The following PKHD1L1 variants were observed in gnomAD, a reference collection of about 807,000 sequenced individuals.
PKHD1L1 encodes the protein PKHD1 like 1.
PKHD1L1 carries 434 observed loss-of-function variants against 462.9 expected under a neutral mutation model. The ratio of observed to expected loss-of-function variants is 0.94; its 90% CI spans 0.87 to 1.02. The LOEUF (loss-of-function observed/expected upper bound fraction) is 1.02, where lower values mean the gene tolerates loss of function less well. Ranked by LOEUF, PKHD1L1 falls within the 50% of genes least tolerant of loss-of-function variation. The pLI is 0.00. For synonymous variants in PKHD1L1, 1,781 were observed against 1,750.0 expected (o/e 1.02, Z -0.44); for missense variants, 5,202 against 5,096.1 (o/e 1.02, Z -0.63).
At chr8:109,443,953 A>C in intron 37 of PKHD1L1, 51 bp downstream of exon 37, 1 of 1,442,124 alleles carries the variant, frequency 6.9e-7, no homozygotes, top group Non-Finnish European at 9.5e-7. Context: ...TCCCAATAAA[A>C]GTATTTTGAC....
chr8:109,448,372 A>G lies in PKHD1L1; in HGVS notation c.6006A>G (p.Gln2002=). Residue 2002 remains glutamine (Q), a synonymous_variant, in exon 39 of 78, where the codon CAA becomes CAG. Coordinates refer to ENST00000378402, the MANE Select transcript of PKHD1L1 (RefSeq NM_177531.6). ...TVVFEYPLNI[Q]NINPSQGSFG... ...TATTTGAGTACCCGCTTAATATTCA[A>G]AATATTAATCCAAGCCAAGGTAGTC... 4 of 1,612,646 alleles carry G rather than the reference A, an allele frequency of 2.5e-6. No individual in the cohort carries two copies. The highest frequency in any genetic ancestry group is 2.5e-6 in the Non-Finnish European group (3 of 1,179,108).
Position 109,373,539 on chromosome 8 carries a change from T to G in PKHD1L1, c.164-7831T>G, listed in dbSNP as rs544130167. Among the ~76,000 whole-genome samples, 94 of 152,322 alleles carry G rather than the reference T, an allele frequency of 6.2e-4. 1 individual carries two copies. Among genetic ancestry groups the G allele is most frequent in the African/African-American group, 2.3e-3 (94 of 41,576 alleles). On this transcript the variant is annotated intron_variant, in intron 2 of 77. Coordinates refer to ENST00000378402, the MANE Select transcript of PKHD1L1 (RefSeq NM_177531.6). ...CTCTGATCTTAGTTATTTCTTGCCT[T>G]CTGCTAGCTTTTGAATGTGTTTGCT...
In PKHD1L1 at chr8:109,534,886, C is replaced by T. The variant is rs1269620894; in HGVS notation, c.*4796C>T. 6.8e-6 allele frequency among the ~76,000 whole-genome samples: 1 copy of T among 146,046 alleles called. No homozygotes were observed. Among genetic ancestry groups the T allele is most frequent in the Non-Finnish European group, 1.5e-5 (1 of 66,588 alleles). ...AACTGTTCTAAGAACGCCATTCACC[C>T]ATGAATGTGACTTTATTAGAGGTTT... is the stretch of plus-strand genomic sequence containing the variant. On this transcript the variant is annotated 3_prime_UTR_variant, in exon 78 of 78. Coordinates refer to ENST00000378402, the MANE Select transcript of PKHD1L1 (RefSeq NM_177531.6).
In PKHD1L1 at chr8:109,459,781, T is replaced by A. The variant is rs1403132885; in HGVS notation, c.7191T>A (p.Ser2397=). 6.2e-7 allele frequency: 1 copy of A among 1,611,494 alleles called. No individual in the cohort carries two copies. The highest frequency in any genetic ancestry group is 8.5e-7 in the Non-Finnish European group (1 of 1,178,550). The change falls in exon 47 of 78, where the codon TCT becomes TCA. Residue 2397 remains serine, a synonymous_variant. Transcript: ENST00000378402. ...CAAGAAATATTTTAATAAGAGGATC[T>A]GATAATGTTGAGTGGAATAACAAAA... ...ILTRNILIRG[S]DNVEWNNKIP...
At chr8:109,390,830 G>A (rs992817734) in intron 9 of PKHD1L1, among the ~76,000 whole-genome samples, 2 of 151,778 alleles carry the variant, frequency 1.3e-5, no homozygotes, top group Non-Finnish European at 2.9e-5. Flanking sequence ...ACTAATGGAA[G>A]AATAAAAAAA....
intron 65 of PKHD1L1, among the ~76,000 whole-genome samples, 192 bp downstream of exon 65, chr8:109,497,464 G>A (rs1306090544): frequency 3.1e-5 from 4 of 129,540 alleles, no homozygotes; most frequent in African/African-American, 1.2e-4. Context: ...ATGGAGTCTC[G>A]CTCCGTAGCC....
At chr8:109,429,168 C>T (rs1344005145) in intron 25 of PKHD1L1, among the ~76,000 whole-genome samples, 172 bp from the exon 26 acceptor site, 9 of 151,858 alleles carry the variant, frequency 5.9e-5, no homozygotes, top group Non-Finnish European at 1.3e-4. Context: ...AGGTTATGTT[C>T]ATTTTTGAAG....
chr8:109,419,659 C>G (rs1814365372), intron 22 of PKHD1L1, among the ~76,000 whole-genome samples: 1 of 152,116 alleles, frequency 6.6e-6, no homozygotes, highest in Non-Finnish European at 1.5e-5. Context: ...TTTCCATAGA[C>G]TTAAGAGTGA....
At chr8:109,373,877 A>C (rs1811655832) in intron 2 of PKHD1L1, among the ~76,000 whole-genome samples, 1 of 152,108 alleles carries the variant, frequency 6.6e-6, no homozygotes, top group South Asian at 2.1e-4. Context: ...ACAGTTTTTT[A>C]TAATTTCTAT....
intron 30 of PKHD1L1, among the ~76,000 whole-genome samples, chr8:109,436,798 A>T (rs1815442406): frequency 6.6e-6 from 1 of 152,230 alleles, no homozygotes; most frequent in Admixed American, 6.5e-5. Context: ...AGAAAAGTTG[A>T]TGTCCTATCA....
intron 21 of PKHD1L1, among the ~76,000 whole-genome samples, chr8:109,417,590 TTGGAGTGCAG>T (rs1272158612): frequency 6.6e-6 from 1 of 152,112 alleles, no homozygotes; most frequent in Non-Finnish European, 1.5e-5. Flanking sequence ...GTTGCCAAGG[TTGGAGTGCAG>T]TGGTGTGATC....
chr8:109,511,272 C>A (rs1038666978), intron 71 of PKHD1L1, among the ~76,000 whole-genome samples: 3 of 152,008 alleles, frequency 2.0e-5, no homozygotes, highest in African/African-American at 7.2e-5. Flanking sequence ...TATATATGTG[C>A]CATGCCGGTG....
chr8:109,465,348 C>T (rs1817382782), intron 49 of PKHD1L1, 103 bp downstream of exon 49: 5 of 1,211,938 alleles, frequency 4.1e-6, no homozygotes, highest in Non-Finnish European at 1.1e-6. Flanking sequence ...ACAGATCTTA[C>T]CCAATAGCAA....
At position 109,445,384 on chromosome 8, in the gene PKHD1L1, A is replaced by G. The variant is rs1816076080; in HGVS notation, c.5515A>G (p.Thr1839Ala). 1 of 1,613,908 alleles carries G rather than the reference A, an allele frequency of 6.2e-7. No homozygotes were observed. The highest frequency in any genetic ancestry group is 8.5e-7 in the Non-Finnish European group (1 of 1,179,878). ...CCCCCCAGTAGCATCTCTATCACCA[A>G]CTTCTGGAAGCATTGGTGGTGGAAC... ...SSPPVASLSP[T>A]SGSIGGGTTL... Residue 1839 changes from threonine (T) to alanine (A), a missense_variant, in exon 38 of 78, where the codon ACT becomes GCT. Coordinates refer to ENST00000378402, the MANE Select transcript of PKHD1L1 (RefSeq NM_177531.6).
At chr8:109,523,772 TAGAA>T (rs1820680932) in intron 76 of PKHD1L1, among the ~76,000 whole-genome samples, 1 of 152,216 alleles carries the variant, frequency 6.6e-6, no homozygotes, top group Admixed American at 6.5e-5. Context: ...AGAGTTGGGC[TAGAA>T]AGTTGGCTGT....
intron 45 of PKHD1L1, 88 bp from the exon 46 acceptor site, chr8:109,456,174 C>A: frequency 7.3e-7 from 1 of 1,377,010 alleles, no homozygotes; most frequent in South Asian, 1.6e-5. Flanking sequence ...AACATTGATT[C>A]AATTTAGGAA....
At chr8:109,522,922 A>G in intron 75 of PKHD1L1, 32 bp downstream of exon 75, 1 of 1,552,148 alleles carries the variant, frequency 6.4e-7, no homozygotes, top group Non-Finnish European at 8.7e-7. Context: ...TACTTAAGTG[A>G]AGGAATTAAG....
intron 12 of PKHD1L1, 131 bp downstream of exon 12, chr8:109,398,679 A>G (rs1286671888): frequency 1.7e-5 from 7 of 408,120 alleles, no homozygotes; most frequent in Non-Finnish European, 2.5e-5. Context: ...TCCAAGTTTT[A>G]AAATTTACAT....
chr8:109,370,845 T>A (rs1053592304), intron 2 of PKHD1L1, among the ~76,000 whole-genome samples: 17 of 152,232 alleles, frequency 1.1e-4, no homozygotes, highest in African/African-American at 3.6e-4. Context: ...AACTCATCAA[T>A]TTTTATGGCT....
Sources: gnomAD v4.1 joint callset for allele counts (sites outside exome capture counted in the v4.1 genomes callset) on GRCh38, gnomAD v4.1.1 for gene constraint, MANE v1.5 for transcripts, NCBI Gene and HGNC (gene_info 2026-07-23, HGNC 2026-07-21) for gene names.